Variants in XKR6 observed in about 807,000 individuals in gnomAD.
XKR6 encodes the protein XK-related protein 6.
XKR6 carries 22 observed loss-of-function variants against 56.7 expected under a neutral mutation model. That is an observed-to-expected ratio of 0.39 (90% CI 0.28 to 0.55). The LOEUF is 0.55. XKR6 is among the 20% of genes least tolerant of loss of function. The pLI is 0.66. For missense variants in XKR6, 852 were observed against 889.0 expected (o/e 0.96, Z 0.53); for synonymous variants, 524 against 387.8 (o/e 1.35, Z -4.13).
intron 1 of XKR6, among the ~76,000 whole-genome samples, chr8:11,046,528 G>A (rs894181634): frequency 9.2e-5 from 14 of 152,180 alleles, no homozygotes; most frequent in Admixed American, 7.9e-4. Context: ...CCAAAAGGTA[G>A]AAGTAACTCA....
At chr8:11,131,547 G>A (rs13265553) in intron 1 of XKR6, among the ~76,000 whole-genome samples, 50,076 of 151,994 alleles carry the variant, frequency 0.33, 8,925 homozygotes, top group Middle Eastern at 0.4. Context: ...TTCAAAAAGT[G>A]AACAAAGGTA....
intron 1 of XKR6, among the ~76,000 whole-genome samples, chr8:11,172,712 A>G (rs1444764683): frequency 6.6e-6 from 1 of 152,172 alleles, no homozygotes; most frequent in African/African-American, 2.4e-5. Flanking sequence ...TTCCACATAA[A>G]TCAATTTTAA....
intron 1 of XKR6, among the ~76,000 whole-genome samples, chr8:11,182,938 C>T (rs370900431): frequency 1.2e-4 from 18 of 152,316 alleles, no homozygotes; most frequent in South Asian, 4.1e-4. Context: ...GACTCCTCCA[C>T]GGCCCTTTTG....
rs6651505 is a variant in XKR6, at chr8:10,896,048, G to C, written c.*1904C>G. On this transcript the variant is annotated 3_prime_UTR_variant, in exon 3 of 3. Transcript: ENST00000416569. Reference sequence around the variant, plus strand: ...AAAAATCGCAGCTACACACAGCAAAGACTAACAGTATTTACTTAAAAATAT... The same window carrying C: ...AAAAATCGCAGCTACACACAGCAAACACTAACAGTATTTACTTAAAAATAT... 6.9e-4 allele frequency: 103 copies of C among 148,428 alleles called. 2 individuals carry two copies. The highest frequency in any genetic ancestry group is 2.4e-3 in the African/African-American group (96 of 40,630). The allele number at this position is 148,428 out of a possible 1,614,324, so 9.2% of individuals were successfully genotyped here.
Position 11,201,148 on chromosome 8 carries a change from CGAG to C in XKR6, c.189_191del (p.Ser64del). ...AGGCGGAGCGGCAGCCCCAGTAGCA[CGAG>C]GAGGTGTTGCAGCAGTGGCAGATGT... On this transcript the variant is annotated inframe_deletion, in exon 1 of 3. Transcript: ENST00000416569. 2.0e-6 allele frequency: 3 copies of C among 1,521,500 alleles called. No individual in the cohort carries two copies. The highest frequency in any genetic ancestry group is 1.8e-6 in the Non-Finnish European group (2 of 1,141,460). The allele number at this position is 1,521,500 out of a possible 1,614,324, so 94.2% of individuals were successfully genotyped here. A position where few individuals can be genotyped will look rare whatever the true frequency, so the allele number is the denominator to read the frequency against.
intron 1 of XKR6, among the ~76,000 whole-genome samples, chr8:11,006,387 A>T (rs1375404016): frequency 4.6e-5 from 7 of 152,192 alleles, no homozygotes; most frequent in Non-Finnish European, 1.0e-4. Context: ...CCCTATGGTC[A>T]CAATTGTCAC....
chr8:11,065,498 G>A (rs1188581605), intron 1 of XKR6, among the ~76,000 whole-genome samples: 3 of 152,046 alleles, frequency 2.0e-5, no homozygotes, highest in East Asian at 1.9e-4. Context: ...TGGCCGTGAT[G>A]AGCGTCATAT....
intron 1 of XKR6, among the ~76,000 whole-genome samples, chr8:10,983,816 C>T (rs905401960): frequency 3.9e-5 from 6 of 151,968 alleles, no homozygotes; most frequent in African/African-American, 7.3e-5. Flanking sequence ...CCACCATGCC[C>T]GGCTAATTTT....
intron 1 of XKR6, among the ~76,000 whole-genome samples, chr8:10,942,051 G>A (rs1024310496): frequency 6.6e-6 from 1 of 152,182 alleles, no homozygotes; most frequent in African/African-American, 2.4e-5. Flanking sequence ...CCCTCTGAGG[G>A]ATTTTTACTC....
At position 11,122,189 on chromosome 8, in the gene XKR6, C is replaced by T. The variant is rs536476604; in HGVS notation, c.764+78387G>A. 7.2e-5 allele frequency among the ~76,000 whole-genome samples: 11 copies of T among 152,366 alleles called. 1 individual carries two copies. The highest frequency in any genetic ancestry group is 6.8e-3 in the Middle Eastern group (2 of 294). ...TCCAAGCCCAGCTCCTTTGAAAATA[C>T]GGTCTTGCCTTTTTATGGGACACCC... is the stretch of plus-strand genomic sequence containing the variant. On this transcript the variant is annotated intron_variant, in intron 1 of 2. Transcript: ENST00000416569.
intron 1 of XKR6, among the ~76,000 whole-genome samples, chr8:11,143,327 G>A (rs1227204859): frequency 1.3e-5 from 2 of 152,152 alleles, no homozygotes; most frequent in Non-Finnish European, 2.9e-5. Context: ...GACATGGCAA[G>A]ACCAAGTCCC....
chr8:10,947,058 A>T (rs1226399678), intron 1 of XKR6, among the ~76,000 whole-genome samples: 3 of 152,098 alleles, frequency 2.0e-5, no homozygotes, highest in Non-Finnish European at 4.4e-5. Context: ...CATGGTGAGG[A>T]TCGGATGACA....
At chr8:11,078,631 G>A (rs1332103117) in intron 1 of XKR6, among the ~76,000 whole-genome samples, 1 of 152,306 alleles carries the variant, frequency 6.6e-6, no homozygotes, top group East Asian at 1.9e-4. Context: ...CCCTTCCTGC[G>A]AGTCTCAAGA....
At chr8:10,963,068 C>A (rs538262285) in intron 1 of XKR6, among the ~76,000 whole-genome samples, 1 of 152,178 alleles carries the variant, frequency 6.6e-6, no homozygotes, top group Non-Finnish European at 1.5e-5. Flanking sequence ...GCAGACTGAA[C>A]GCCCAACAGC....
chr8:10,960,718 GC>G (rs1489622722), intron 1 of XKR6, among the ~76,000 whole-genome samples: 1 of 152,174 alleles, frequency 6.6e-6, no homozygotes, highest in East Asian at 1.9e-4. Context: ...TGAGACCAAG[GC>G]CAGCGCCTCA....
chr8:11,049,082 G>A (rs1338900116), intron 1 of XKR6, among the ~76,000 whole-genome samples: 1 of 152,192 alleles, frequency 6.6e-6, no homozygotes, highest in Non-Finnish European at 1.5e-5. Flanking sequence ...GGCTGGCCTT[G>A]GTGGCAAGAA....
intron 1 of XKR6, among the ~76,000 whole-genome samples, chr8:10,984,949 G>GT (rs942563629): frequency 6.0e-5 from 9 of 150,444 alleles, no homozygotes; most frequent in South Asian, 2.1e-4. Flanking sequence ...GTGGTTTTTT[G>GT]TTTTTTTTGA....
chr8:11,184,720 C>T (rs965896782), intron 1 of XKR6, among the ~76,000 whole-genome samples: 2 of 151,896 alleles, frequency 1.3e-5, no homozygotes, highest in Non-Finnish European at 2.9e-5. Context: ...TTTGTAGATA[C>T]GGGAATTCAC....
intron 1 of XKR6, among the ~76,000 whole-genome samples, chr8:11,191,540 G>A (rs1368113663): frequency 2.6e-5 from 4 of 152,104 alleles, no homozygotes; most frequent in African/African-American, 9.7e-5. Flanking sequence ...CAGTACTTCT[G>A]ACAAAAATTT....
Sources: allele counts gnomAD v4.1 joint callset (sites outside exome capture counted in the v4.1 genomes callset), GRCh38; gene constraint gnomAD v4.1.1; transcripts MANE v1.5; gene names NCBI Gene and HGNC (gene_info 2026-07-23, HGNC 2026-07-21).